FRYL: variants seen among roughly 807,000 people sequenced by gnomAD.
FRYL encodes the protein FRY like transcription coactivator, also known as protein furry homolog-like.
Under a neutral mutation model 351.2 loss-of-function variants are expected in FRYL, and 150 were observed. The ratio of observed to expected loss-of-function variants is 0.43; its 90% CI spans 0.37 to 0.49. The LOEUF (loss-of-function observed/expected upper bound fraction) is 0.49. Ranked by LOEUF, FRYL falls within the 20% of genes least tolerant of loss-of-function variation. FRYL has a pLI of 0.00. For synonymous variants in FRYL, 1,153 were observed against 1,257.1 expected (o/e 0.92, Z 1.75); for missense variants, 3,036 against 3,619.3 (o/e 0.84, Z 4.13).
intron 59 of FRYL, among the ~76,000 whole-genome samples, chr4:48,506,778 CAAAG>C (rs1365265995): frequency 2.6e-5 from 4 of 151,420 alleles, no homozygotes; most frequent in Non-Finnish European, 5.9e-5. Context: ...GTTGTACCCA[CAAAG>C]AAAGAATTGA....
At chr4:48,757,016 T>C (rs1366839643) in intron 1 of FRYL, among the ~76,000 whole-genome samples, 1 of 152,164 alleles carries the variant, frequency 6.6e-6, no homozygotes, top group African/African-American at 2.4e-5. Flanking sequence ...GTGACTGTAG[T>C]GTGGTGACTA....
rs374441836 is a variant in FRYL at position 48,531,244 on chromosome 4, G to T, written c.6815C>A (p.Ser2272Tyr). The T allele has an allele frequency of 6.2e-5, 100 of 1,611,490 alleles. No individual in the cohort carries two copies. Among genetic ancestry groups the T allele is most frequent in the Admixed American group, 1.5e-4 (9 of 59,960 alleles). The change falls in exon 50 of 64, where the codon TCT (serine) becomes TAT (tyrosine). Residue 2272 changes from serine to tyrosine, a missense_variant. Transcript: ENST00000358350. ...AATTTTAGTGAAGGATATTTCAGGA[G>T]AACCTGTATCTCCTCCATAGGTCTT... ...IPKTYGGDTGSPEISFTKIFN... is the reference protein window; with the variant it reads ...IPKTYGGDTGYPEISFTKIFN...
chr4:48,565,616 C>T lies in FRYL; in HGVS notation c.3245G>A (p.Gly1082Asp), dbSNP rs1210278573. The change falls in exon 29 of 64, where the codon GGT becomes GAT. Residue 1082 changes from glycine (G) to aspartate (D), a missense_variant. This residue lies in a region of FRYL where 1,987 missense variants were observed against 2,311.7 expected (regional missense o/e 0.86). Transcript: ENST00000358350. Reference sequence around the variant, plus strand: ...GGGCGTAAACATGATGCTAAAAGGACCTGCCCAGTGACTGAACAGCATAAA... The same window carrying T: ...GGGCGTAAACATGATGCTAAAAGGATCTGCCCAGTGACTGAACAGCATAAA... ...SLFMLFSHWA[G>D]PFSIMFTPLD... 6.2e-7 allele frequency: 1 copy of T among 1,613,900 alleles called. No homozygotes were observed. Among genetic ancestry groups the T allele is most frequent in the Non-Finnish European group, 8.5e-7 (1 of 1,179,932 alleles).
chr4:48,666,040 C>G (rs1263000675), intron 3 of FRYL, among the ~76,000 whole-genome samples: 1 of 152,142 alleles, frequency 6.6e-6, no homozygotes, highest in Non-Finnish European at 1.5e-5. Flanking sequence ...ACTGCAGAGG[C>G]AACCAAATAT....
At chr4:48,520,248 A>T (rs1408867690) in intron 55 of FRYL, among the ~76,000 whole-genome samples, 1 of 152,220 alleles carries the variant, frequency 6.6e-6, no homozygotes, top group African/African-American at 2.4e-5. Flanking sequence ...AAGGAAGCCA[A>T]AGTGCCTTCA....
chr4:48,653,230 T>C lies in FRYL; in HGVS notation c.-80-18740A>G, dbSNP rs1219278086. On this transcript the variant is annotated intron_variant, in intron 3 of 63. Coordinates refer to ENST00000358350, the MANE Select transcript of FRYL (RefSeq NM_015030.2). ...TAAGAAAATTTACTACATATGAAAA[T>C]TACACATTATAACTTCAATTAGAAG... Among the ~76,000 whole-genome samples the C allele has an allele frequency of 5.9e-5, 9 of 152,092 alleles. No homozygotes were observed. The East Asian group carries it at 1.7e-3, about 29-fold the overall frequency.
chr4:48,540,137 T>C, intron 46 of FRYL, 69 bp from the exon 47 acceptor site: 2 of 1,296,486 alleles, frequency 1.5e-6, no homozygotes, highest in Middle Eastern at 1.9e-4. Context: ...TAAAGTTATT[T>C]TTTTAGATGG....
intron 1 of FRYL, among the ~76,000 whole-genome samples, chr4:48,761,992 T>C (rs1554256): frequency 0.51 from 76,871 of 151,838 alleles, 19,861 homozygotes; most frequent in South Asian, 0.61. Context: ...TGAGGGTAGA[T>C]TCCTCATGAA....
At position 48,514,274 on chromosome 4, in the gene FRYL, A is replaced by C. The variant is rs541537137; in HGVS notation, c.7937+754T>G. Among the ~76,000 whole-genome samples the C allele has an allele frequency of 3.3e-5, 5 of 152,282 alleles. No homozygotes were observed. In the South Asian group the frequency reaches 8.3e-4, roughly 25 times the overall value. On this transcript the variant is annotated intron_variant, in intron 56 of 63. Coordinates refer to ENST00000358350, the MANE Select transcript of FRYL (RefSeq NM_015030.2). Reference sequence around the variant, plus strand: ...AATAGATACACTCACAGAGTGCATGAAGTTAGATACCTTTATAAAAAACAT... The same window carrying C: ...AATAGATACACTCACAGAGTGCATGCAGTTAGATACCTTTATAAAAAACAT...
intron 1 of FRYL, among the ~76,000 whole-genome samples, chr4:48,778,254 T>G (rs1365714606): frequency 6.6e-6 from 1 of 152,174 alleles, no homozygotes; most frequent in African/African-American, 2.4e-5. Context: ...GCCTGTGAAT[T>G]TACAATGTTC....
chr4:48,750,798 C>G (rs1773179582), intron 1 of FRYL, among the ~76,000 whole-genome samples: 1 of 152,186 alleles, frequency 6.6e-6, no homozygotes, highest in Non-Finnish European at 1.5e-5. Context: ...GAGAGTCATT[C>G]TTCATTTCAC....
intron 48 of FRYL, 98 bp from the exon 49 acceptor site, chr4:48,534,783 C>A: frequency 1.4e-6 from 1 of 723,184 alleles, no homozygotes; most frequent in Non-Finnish European, 2.2e-6. Context: ...ATAGATTTAG[C>A]CTATGAGTTT....
intron 2 of FRYL, among the ~76,000 whole-genome samples, chr4:48,708,380 T>C (rs1767623754): frequency 6.6e-6 from 1 of 152,096 alleles, no homozygotes; most frequent in Admixed American, 6.5e-5. Context: ...GGCACAAGAA[T>C]TGCTTGAACC....
chr4:48,693,206 A>G (rs189742920), intron 2 of FRYL, among the ~76,000 whole-genome samples: 1 of 152,310 alleles, frequency 6.6e-6, no homozygotes, highest in East Asian at 1.9e-4. Context: ...CATTTAAGCT[A>G]TCTCATTTTC....
chr4:48,563,031 A>AGG, intron 31 of FRYL, 43 bp from the exon 32 acceptor site: 1 of 1,196,256 alleles, frequency 8.4e-7, no homozygotes, highest in Non-Finnish European at 1.2e-6. Context: ...CAATGTTTAG[A>AGG]GGCTTTTGCA....
chr4:48,609,798 G>T lies in FRYL; in HGVS notation c.437C>A (p.Pro146His), dbSNP rs766760419. 12 of 1,594,788 alleles carry T rather than the reference G, an allele frequency of 7.5e-6. No homozygotes were observed. The highest frequency in any genetic ancestry group is 9.4e-6 in the Non-Finnish European group (11 of 1,167,940). The change falls in exon 8 of 64, where the codon CCC (proline) becomes CAC (histidine). Residue 146 changes from proline (P) to histidine (H), a missense_variant. By Grantham distance (77) the Pro-to-His change is moderately conservative. Around this residue, in one of 7 missense-constraint regions of FRYL, gnomAD observed 457 missense variants for 566.6 expected, o/e 0.81. Transcript: ENST00000358350. ...KQIPVHPVPDPLVHEVLNLAF... is the reference protein window; with the variant it reads ...KQIPVHPVPDHLVHEVLNLAF... The stretch of plus-strand genomic sequence containing the variant: ...TAAGTTTAGAACTTCATGAACTAAG[G>T]GATCGGGTACAGGATGAACAGGAAT...
At chr4:48,557,312 A>G (rs1734343189) in intron 34 of FRYL, 141 bp downstream of exon 34, 1 of 1,243,716 alleles carries the variant, frequency 8.0e-7, no homozygotes, top group Admixed American at 2.7e-5. Flanking sequence ...TAGTAAAAAA[A>G]ATTCATATCT....
In FRYL at chr4:48,594,009, A is replaced by G; in HGVS notation, c.1256T>C (p.Leu419Ser). Residue 419 changes from leucine (L) to serine (S), a missense_variant, in exon 16 of 64, where the codon TTG (leucine) becomes TCG (serine). Around this residue, in one of 7 missense-constraint regions of FRYL, gnomAD observed 457 missense variants for 566.6 expected, o/e 0.81. Coordinates refer to ENST00000358350, the MANE Select transcript of FRYL (RefSeq NM_015030.2). Reference protein sequence around the residue: ...KIIQFIAQERLDFAMKEIIFD... With the variant: ...KIIQFIAQERSDFAMKEIIFD... ...TATTATTTCTTTCATTGCAAAATCC[A>G]AGCGTTCCTTAAAAAAAAAAAAATC... is the stretch of plus-strand genomic sequence containing the variant. 6.8e-7 allele frequency: 1 copy of G among 1,473,500 alleles called. No individual in the cohort carries two copies. 91.3% of individuals were successfully genotyped at this position (1,473,500 alleles called of 1,614,324 possible). A position where few individuals can be genotyped will look rare whatever the true frequency, so the allele number is the denominator to read the frequency against.
rs571648621 is a variant in FRYL at position 48,528,052 on chromosome 4, G to GA, written c.7066-8dup. ...GCTTTTCTCTTGTTCTTCGCTAAAG[G>GA]AAAAAAAAAAATTAAAATGTTAGGA... is the stretch of plus-strand genomic sequence containing the variant. On this transcript the variant is annotated splice_polypyrimidine_tract_variant and splice_region_variant and intron_variant, in intron 51 of 63. Transcript: ENST00000358350. The GA allele has an allele frequency of 0.034, 41,897 of 1,234,490 alleles. 143 individuals carry two copies. The highest frequency in any genetic ancestry group is 0.039 in the Non-Finnish European group (35,527 of 917,238). The allele number at this position is 1,234,490 out of a possible 1,614,324, so 76.5% of individuals were successfully genotyped here.
Sources: allele counts gnomAD v4.1 joint callset (sites outside exome capture counted in the v4.1 genomes callset), GRCh38; gene constraint gnomAD v4.1.1; regional missense constraint gnomAD v4.1.1; transcripts MANE v1.5; gene names NCBI Gene and HGNC (gene_info 2026-07-23, HGNC 2026-07-21).